HOMER1: variants seen among roughly 807,000 people sequenced by gnomAD.
HOMER1 encodes the protein homer scaffold protein 1.
In HOMER1, 3 loss-of-function variants were observed where a neutral mutation model predicts 48.9. The ratio of observed to expected loss-of-function variants is 0.06; its 90% CI spans 0.03 to 0.16. The LOEUF is 0.16. Among genes scored for constraint, HOMER1 ranks in the 10% least tolerant of loss-of-function variants. HOMER1 has a pLI of 1.00. For missense variants in HOMER1, 247 were observed against 411.4 expected (o/e 0.60, Z 3.46); for synonymous variants, 134 against 146.4 (o/e 0.92, Z 0.61).
intron 8 of HOMER1, among the ~76,000 whole-genome samples, chr5:79,376,402 C>T (rs1392042089): frequency 6.6e-6 from 1 of 152,104 alleles, no homozygotes; most frequent in African/African-American, 2.4e-5. Context: ...GCTTGGTTAT[C>T]AATCTATCTA....
At chr5:79,422,654 T>C (rs1165899153) in intron 5 of HOMER1, among the ~76,000 whole-genome samples, 2 of 151,224 alleles carry the variant, frequency 1.3e-5, no homozygotes, top group African/African-American at 4.9e-5. Flanking sequence ...CTATAAAAAA[T>C]AAAAATTATG....
chr5:79,509,453 G>C (rs1752872650), intron 1 of HOMER1, among the ~76,000 whole-genome samples: 1 of 147,232 alleles, frequency 6.8e-6, no homozygotes, highest in Non-Finnish European at 1.5e-5. Context: ...TTCTGAAATA[G>C]CTACTGACTC....
chr5:79,463,572 T>G (rs1020083425), intron 1 of HOMER1, among the ~76,000 whole-genome samples: 7 of 152,206 alleles, frequency 4.6e-5, no homozygotes, highest in African/African-American at 1.7e-4. Flanking sequence ...TTTCAAACAG[T>G]TGTCATTTAA....
At chr5:79,497,922 C>T (rs1452750440) in intron 1 of HOMER1, among the ~76,000 whole-genome samples, 2 of 152,108 alleles carry the variant, frequency 1.3e-5, no homozygotes, top group Non-Finnish European at 1.5e-5. Context: ...ATTCATGGAC[C>T]CCATTCCTAG....
intron 1 of HOMER1, among the ~76,000 whole-genome samples, chr5:79,495,756 G>T (rs555936182): frequency 6.6e-6 from 1 of 152,260 alleles, no homozygotes; most frequent in South Asian, 2.1e-4. Flanking sequence ...GATTTTTCAG[G>T]TGTTGGTTAC....
intron 5 of HOMER1, among the ~76,000 whole-genome samples, chr5:79,409,899 A>G (rs938625899): frequency 6.6e-6 from 1 of 152,198 alleles, no homozygotes; most frequent in Non-Finnish European, 1.5e-5. Flanking sequence ...GAGAAAGTGG[A>G]ACCCTAGTAC....
chr5:79,383,545 C>A (rs1010538488), intron 8 of HOMER1, among the ~76,000 whole-genome samples: 1 of 152,022 alleles, frequency 6.6e-6, no homozygotes, highest in Admixed American at 6.6e-5. Flanking sequence ...ACCACCATGC[C>A]CGGCTCATTT....
At chr5:79,435,478 TA>T (rs1240410226) in intron 5 of HOMER1, among the ~76,000 whole-genome samples, 1 of 152,194 alleles carries the variant, frequency 6.6e-6, no homozygotes, top group Non-Finnish European at 1.5e-5. Context: ...AAAACAGAAA[TA>T]CTGGCAAAAA....
At chr5:79,402,871 ATG>A (rs1399316138) in intron 5 of HOMER1, among the ~76,000 whole-genome samples, 1 of 152,198 alleles carries the variant, frequency 6.6e-6, no homozygotes, top group Non-Finnish European at 1.5e-5. Flanking sequence ...GGACCTTAAA[ATG>A]TCAAAAATAC....
In HOMER1 at chr5:79,457,014, G is replaced by T; in HGVS notation, c.10C>A (p.Gln4Lys). Reference protein sequence around the residue: MGEQPIFSTRAHVF... With the variant: MGEKPIFSTRAHVF... ...TGAGCTCGAGTGCTGAAGATAGGTT[G>T]TTCCCTGCAGGGCAGAAAAGAAAAT... Residue 4 changes from glutamine to lysine, a missense_variant, in exon 2 of 9, where the codon CAA becomes AAA. Physicochemically the swap from Gln to Lys is moderately conservative, Grantham distance 53. Around this residue, in one of 4 missense-constraint regions of HOMER1, gnomAD observed 38 missense variants for 114.9 expected, o/e 0.33. Transcript: ENST00000334082. 1 of 1,614,006 alleles carries T rather than the reference G, an allele frequency of 6.2e-7. No homozygotes were observed. The highest frequency in any genetic ancestry group is 8.5e-7 in the Non-Finnish European group (1 of 1,179,898).
At chr5:79,379,369 T>TATATTTATATATTTTATATATTATATAA (rs1419710027) in intron 8 of HOMER1, among the ~76,000 whole-genome samples, 5 of 113,258 alleles carry the variant, frequency 4.4e-5, no homozygotes, top group South Asian at 2.3e-4. Flanking sequence ...AATATTTATA[T>TATATTTATATATTTTATATATTATATAA]ATATTTATAT....
intron 5 of HOMER1, among the ~76,000 whole-genome samples, chr5:79,419,776 T>C (rs1281570881): frequency 1.3e-5 from 2 of 152,188 alleles, no homozygotes; most frequent in Non-Finnish European, 2.9e-5. Flanking sequence ...AAAACACTTA[T>C]TCTAGATTCC....
intron 1 of HOMER1, among the ~76,000 whole-genome samples, chr5:79,489,206 G>A (rs1192102784): frequency 6.6e-6 from 1 of 152,152 alleles, no homozygotes; most frequent in East Asian, 1.9e-4. Context: ...ATTCAGGAGA[G>A]AGAGAGATTT....
intron 1 of HOMER1, among the ~76,000 whole-genome samples, chr5:79,464,640 T>C (rs187974243): frequency 6.6e-5 from 10 of 152,226 alleles, no homozygotes; most frequent in Non-Finnish European, 1.3e-4. Flanking sequence ...AGGGAACTGG[T>C]TTAAATCTCA....
chr5:79,391,569 T>A (rs1749252603), intron 8 of HOMER1, among the ~76,000 whole-genome samples: 1 of 151,332 alleles, frequency 6.6e-6, no homozygotes, highest in Admixed American at 6.6e-5. Context: ...ACGGTGAAAC[T>A]CCGTCTCTGC....
intron 1 of HOMER1, among the ~76,000 whole-genome samples, chr5:79,502,972 A>ATTG (rs1752640209): frequency 6.9e-6 from 1 of 144,258 alleles, no homozygotes. Flanking sequence ...TTGTATTTTA[A>ATTG]GTAGAGACAG....
chr5:79,418,676 T>C (rs1470410430), intron 5 of HOMER1, among the ~76,000 whole-genome samples: 1 of 152,160 alleles, frequency 6.6e-6, no homozygotes, highest in Non-Finnish European at 1.5e-5. Flanking sequence ...AAGTATGAAT[T>C]AACTAACACA....
At chr5:79,382,233 G>C (rs1749001067) in intron 8 of HOMER1, among the ~76,000 whole-genome samples, 1 of 152,116 alleles carries the variant, frequency 6.6e-6, no homozygotes, top group Non-Finnish European at 1.5e-5. Context: ...CAAAAGGGTA[G>C]AAAACCTATT....
At chr5:79,451,311 TATG>T (rs1181079463) in intron 2 of HOMER1, among the ~76,000 whole-genome samples, 190 bp from the exon 3 acceptor site, 5 of 152,126 alleles carry the variant, frequency 3.3e-5, no homozygotes, top group Non-Finnish European at 7.3e-5. Flanking sequence ...AAAATATAAA[TATG>T]ATGACACTCT....
Sources: allele counts gnomAD v4.1 joint callset (sites outside exome capture counted in the v4.1 genomes callset), GRCh38; gene constraint gnomAD v4.1.1; regional missense constraint gnomAD v4.1.1; transcripts MANE v1.5; gene names NCBI Gene and HGNC (gene_info 2026-07-23, HGNC 2026-07-21).